Variants in AFAP1 observed in about 807,000 individuals in gnomAD.
AFAP1 encodes actin filament-associated protein 1.
AFAP1 carries 75 observed loss-of-function variants against 93.9 expected under a neutral mutation model. That is an observed-to-expected ratio of 0.80 (90% CI 0.66 to 0.97). AFAP1 has a LOEUF of 0.97. Ranked by LOEUF, AFAP1 falls within the 50% of genes least tolerant of loss-of-function variation. The probability of loss-of-function intolerance (pLI) is 0.00; values close to 1 mark genes in which losing one functional copy is unlikely to be tolerated. For synonymous variants in AFAP1, 517 were observed against 430.7 expected, an observed-to-expected ratio of 1.20 and a Z score of -2.48; for missense variants, 1,201 against 1,050.8, an observed-to-expected ratio of 1.14 and a Z score of -1.98.
chr4:7,809,605 C>A lies in AFAP1; in HGVS notation c.1054+9G>T. ...GCACGCTGCTCGTCTCCGGGAAGCGCAGTCTTACCGCAGGTGGGAACATCT... is the reference window on the plus strand; with the variant it reads ...GCACGCTGCTCGTCTCCGGGAAGCGAAGTCTTACCGCAGGTGGGAACATCT... On this transcript the variant is annotated intron_variant, in intron 9 of 17. Transcript: ENST00000420658. 3 of 1,610,054 alleles carry A rather than the reference C, an allele frequency of 1.9e-6. No individual in the cohort carries two copies. The highest frequency in any genetic ancestry group is 2.5e-6 in the Non-Finnish European group (3 of 1,178,440).
In AFAP1 at chr4:7,887,796, T is replaced by C. The variant is rs1003999271; in HGVS notation, c.-2-15716A>G. On this transcript the variant is annotated intron_variant, in intron 1 of 17. Transcript: ENST00000420658. ...GATTATGCTATTATAGTTTTTTAAA[T>C]TGTCATACTATTTGTTTTTATTTCA... Among the ~76,000 whole-genome samples the C allele has an allele frequency of 5.3e-5, 8 of 152,060 alleles. No individual in the cohort carries two copies. In the East Asian group the frequency reaches 7.7e-4, roughly 15 times the overall value.
At chr4:7,792,261 G>A (rs779782936) in intron 11 of AFAP1, among the ~76,000 whole-genome samples, 20 of 152,084 alleles carry the variant, frequency 1.3e-4, no homozygotes, top group South Asian at 6.2e-4. Flanking sequence ...AAATCCAGTC[G>A]TTTATCTTGC....
chr4:7,910,866 G>A (rs563971115), intron 1 of AFAP1, among the ~76,000 whole-genome samples: 1 of 152,152 alleles, frequency 6.6e-6, no homozygotes, highest in Non-Finnish European at 1.5e-5. Context: ...TTCCCACTGC[G>A]GTGAGGGCGT....
intron 3 of AFAP1, among the ~76,000 whole-genome samples, chr4:7,861,322 T>A (rs1466173011): frequency 2.0e-5 from 3 of 152,248 alleles, no homozygotes; most frequent in African/African-American, 7.2e-5. Flanking sequence ...TGCCGCTTGC[T>A]GCTCATCTGC....
At chr4:7,858,429 A>T (rs1487465420) in intron 3 of AFAP1, among the ~76,000 whole-genome samples, 2 of 152,196 alleles carry the variant, frequency 1.3e-5, no homozygotes, top group Non-Finnish European at 2.9e-5. Context: ...TTATCCTTGA[A>T]ATCGGCCACA....
intron 6 of AFAP1, among the ~76,000 whole-genome samples, chr4:7,834,716 AGTG>A (rs1286088890): frequency 5.9e-5 from 9 of 152,248 alleles, no homozygotes; most frequent in African/African-American, 9.6e-5. Flanking sequence ...CCAATGGCTC[AGTG>A]GGAAGAGAGA....
chr4:7,816,740 G>C (rs1720513774), intron 7 of AFAP1, among the ~76,000 whole-genome samples: 1 of 152,238 alleles, frequency 6.6e-6, no homozygotes, highest in South Asian at 2.1e-4. Flanking sequence ...GGTCATAGCG[G>C]AGGGAGTGGC....
chr4:7,885,292 C>G (rs114351197), intron 1 of AFAP1, among the ~76,000 whole-genome samples: 1 of 152,240 alleles, frequency 6.6e-6, no homozygotes, highest in Admixed American at 6.5e-5. Flanking sequence ...ACAAATATCA[C>G]GCCTGCTTCT....
chr4:7,784,548 G>A (rs1717086633), intron 12 of AFAP1, among the ~76,000 whole-genome samples: 1 of 152,202 alleles, frequency 6.6e-6, no homozygotes, highest in South Asian at 2.1e-4. Flanking sequence ...AGGGAAGGGG[G>A]CAGATCAAGT....
At chr4:7,900,075 A>G (rs560653687) in intron 1 of AFAP1, among the ~76,000 whole-genome samples, 10 of 152,302 alleles carry the variant, frequency 6.6e-5, no homozygotes, top group Non-Finnish European at 1.0e-4. Context: ...TCCAACATGT[A>G]TTTGGCTAGA....
At chr4:7,919,986 G>A (rs1256954709) in intron 1 of AFAP1, among the ~76,000 whole-genome samples, 1 of 152,126 alleles carries the variant, frequency 6.6e-6, no homozygotes, top group East Asian at 1.9e-4. Flanking sequence ...TGTTCCTTTT[G>A]ATGGGTGAAT....
At chr4:7,925,161 T>C (rs187407387) in intron 1 of AFAP1, among the ~76,000 whole-genome samples, 1 of 149,828 alleles carries the variant, frequency 6.7e-6, no homozygotes, top group Non-Finnish European at 1.5e-5. Flanking sequence ...CTTCCTTTAT[T>C]TCCCCCAAAG....
chr4:7,880,063 C>T (rs1717754336), intron 1 of AFAP1, among the ~76,000 whole-genome samples: 1 of 152,150 alleles, frequency 6.6e-6, no homozygotes, highest in Non-Finnish European at 1.5e-5. Context: ...AAGAATTCAA[C>T]AAAGCAAACA....
chr4:7,936,083 C>A (rs1274322931), intron 1 of AFAP1, among the ~76,000 whole-genome samples: 1 of 152,088 alleles, frequency 6.6e-6, no homozygotes, highest in African/African-American at 2.4e-5. Context: ...ATTAAGAATG[C>A]AAATCAAAAT....
Position 7,855,452 on chromosome 4 carries a change from G to A in AFAP1, c.334+14C>T, listed in dbSNP as rs1235818910. 4 of 1,571,814 alleles carry A rather than the reference G, an allele frequency of 2.5e-6. No homozygotes were observed. The East Asian group carries it at 6.7e-5, about 26-fold the overall frequency. On this transcript the variant is annotated intron_variant, in intron 4 of 17. Coordinates refer to ENST00000420658, the MANE Select transcript of AFAP1 (RefSeq NM_001134647.2). ...TCACAAAGGCAGCATGGCTGGGCAG[G>A]GCTGGCCACTCACTTGATGTGATGT...
Position 7,871,990 on chromosome 4 carries a change from A to G in AFAP1, c.89T>C (p.Val30Ala). 6.2e-7 allele frequency: 1 copy of G among 1,614,210 alleles called. No homozygotes were observed. Among genetic ancestry groups the G allele is most frequent in the Non-Finnish European group, 8.5e-7 (1 of 1,180,026 alleles). ...TATTCTTAGCAGAATGTTGGTTATC[A>G]CTGCCTTTTTCTCCCTGACAGTTGA... ...LTSTVREKKA[V>A]ITNILLRIQS... Residue 30 changes from valine (V) to alanine (A), a missense_variant, in exon 2 of 18, where the codon GTG becomes GCG. Coordinates refer to ENST00000420658, the MANE Select transcript of AFAP1 (RefSeq NM_001134647.2).
chr4:7,778,876 G>C lies in AFAP1; in HGVS notation c.1783C>G (p.Leu595Val). 2 of 1,599,510 alleles carry C rather than the reference G, an allele frequency of 1.3e-6. No homozygotes were observed. Among genetic ancestry groups the C allele is most frequent in the Non-Finnish European group, 1.7e-6 (2 of 1,167,710 alleles). Reference protein sequence around the residue: ...GRASLGLNSQLKGKKPPVASN... With the variant: ...GRASLGLNSQVKGKKPPVASN... ...GCCACGGGGGGCTTTTTACCCTTGA[G>C]CTGTTGAAATAAACATATAAGAACA... Residue 595 changes from leucine to valine, a missense_variant and splice_region_variant, in exon 14 of 18, where the codon CTC (leucine) becomes GTC (valine). Physicochemically the swap from Leu to Val is conservative, Grantham distance 32. Coordinates refer to ENST00000420658, the MANE Select transcript of AFAP1 (RefSeq NM_001134647.2).
At chr4:7,838,171 G>C (rs1298296335) in intron 6 of AFAP1, among the ~76,000 whole-genome samples, 1 of 152,110 alleles carries the variant, frequency 6.6e-6, no homozygotes, top group African/African-American at 2.4e-5. Context: ...CCCAAACTTA[G>C]AAAGATAAAA....
At chr4:7,805,927 G>A (rs987563644) in intron 9 of AFAP1, among the ~76,000 whole-genome samples, 8 of 152,294 alleles carry the variant, frequency 5.3e-5, no homozygotes, top group Non-Finnish European at 1.0e-4. Flanking sequence ...GCCTGGGGAG[G>A]GGGAAGCAGA....
Sources: allele counts gnomAD v4.1 joint callset (sites outside exome capture counted in the v4.1 genomes callset), GRCh38; gene constraint gnomAD v4.1.1; transcripts MANE v1.5; gene names NCBI Gene and HGNC (gene_info 2026-07-23, HGNC 2026-07-21).